The following TCERG1L variants were observed in gnomAD, a reference collection of about 807,000 sequenced individuals.
The protein encoded by TCERG1L is transcription elongation regulator 1-like protein.
TCERG1L carries 37 observed loss-of-function variants against 56.3 expected under a neutral mutation model. The ratio of observed to expected loss-of-function variants is 0.66; its 90% CI spans 0.51 to 0.87. The LOEUF (loss-of-function observed/expected upper bound fraction) is 0.87, where lower values mean the gene tolerates loss of function less well. Among genes scored for constraint, TCERG1L ranks in the 40% least tolerant of loss-of-function variants. The probability of loss-of-function intolerance (pLI) is 0.00; values close to 1 mark genes in which losing one functional copy is unlikely to be tolerated. For synonymous variants in TCERG1L, 324 were observed against 326.3 expected, an observed-to-expected ratio of 0.99 and a Z score of 0.08; for missense variants, 799 against 774.2, an observed-to-expected ratio of 1.03 and a Z score of -0.38.
At chr10:131,194,073 C>T (rs1368645514) in intron 4 of TCERG1L, among the ~76,000 whole-genome samples, 2 of 152,040 alleles carry the variant, frequency 1.3e-5, no homozygotes, top group South Asian at 2.1e-4. Context: ...CCCCCAGCGG[C>T]GTGCCTAGGC....
intron 4 of TCERG1L, among the ~76,000 whole-genome samples, chr10:131,214,501 G>C (rs1312779200): frequency 6.6e-6 from 1 of 152,210 alleles, no homozygotes. Flanking sequence ...TTAAGAAAAG[G>C]CTAGTCATCA....
chr10:131,219,918 C>T (rs1223116631), intron 4 of TCERG1L, among the ~76,000 whole-genome samples: 1 of 152,144 alleles, frequency 6.6e-6, no homozygotes, highest in African/African-American at 2.4e-5. Flanking sequence ...GTTTGCTCCC[C>T]GGCTTGAGCT....
chr10:131,185,224 GA>G (rs1845222733), intron 4 of TCERG1L, among the ~76,000 whole-genome samples: 1 of 152,006 alleles, frequency 6.6e-6, no homozygotes, highest in South Asian at 2.1e-4. Flanking sequence ...ATTTTAATTA[GA>G]AAAAAATAGA....
intron 4 of TCERG1L, among the ~76,000 whole-genome samples, chr10:131,174,011 T>C (rs1427899554): frequency 6.6e-6 from 1 of 152,116 alleles, no homozygotes; most frequent in African/African-American, 2.4e-5. Context: ...GCAGGGCTTT[T>C]GACTGCTACC....
At chr10:131,131,006 T>C (rs1845612870) in intron 8 of TCERG1L, among the ~76,000 whole-genome samples, 2 of 152,052 alleles carry the variant, frequency 1.3e-5, no homozygotes, top group South Asian at 4.2e-4. Flanking sequence ...AGGAAGCAAA[T>C]TGGTGGGGCA....
intron 7 of TCERG1L, among the ~76,000 whole-genome samples, chr10:131,140,002 C>T (rs1845717849): frequency 6.6e-6 from 1 of 152,056 alleles, no homozygotes; most frequent in East Asian, 1.9e-4. Flanking sequence ...GGGGAATATA[C>T]CTAATTTTGT....
chr10:131,139,411 G>C (rs1456249209), intron 7 of TCERG1L, among the ~76,000 whole-genome samples: 1 of 152,170 alleles, frequency 6.6e-6, no homozygotes, highest in African/African-American at 2.4e-5. Flanking sequence ...GCAAGGGTAG[G>C]GGGACAGGAG....
At chr10:131,240,664 A>C (rs1845962345) in intron 4 of TCERG1L, among the ~76,000 whole-genome samples, 1 of 152,214 alleles carries the variant, frequency 6.6e-6, no homozygotes, top group Non-Finnish European at 1.5e-5. Flanking sequence ...TTTTCTAAAA[A>C]TACGCCACAG....
chr10:131,135,973 G>A (rs962585760), intron 7 of TCERG1L, among the ~76,000 whole-genome samples: 13 of 152,334 alleles, frequency 8.5e-5, no homozygotes, highest in Admixed American at 2.6e-4. Flanking sequence ...TGCTGACTCC[G>A]GAGCTGGACT....
rs146277373 is a variant in TCERG1L at position 131,193,017 on chromosome 10, G to GATAAATAA, written c.857-26140_857-26133dup. Among the ~76,000 whole-genome samples, 3 of 152,052 alleles carry GATAAATAA rather than the reference G, an allele frequency of 2.0e-5. No homozygotes were observed. The East Asian group carries it at 5.8e-4, about 29-fold the overall frequency. Reference sequence around the variant, plus strand: ...ACTCCAGAAGCTATTGAAATAAAATGATAAATAAATAAATAAATAAATAAT... The same window carrying GATAAATAA: ...ACTCCAGAAGCTATTGAAATAAAATGATAAATAAATAAATAAATAAATAAATAAATAAT... On this transcript the variant is annotated intron_variant, in intron 4 of 11. Coordinates refer to ENST00000368642, the MANE Select transcript of TCERG1L (RefSeq NM_174937.4).
chr10:131,275,076 T>C (rs1482187318), intron 3 of TCERG1L, among the ~76,000 whole-genome samples: 1 of 152,152 alleles, frequency 6.6e-6, no homozygotes, highest in African/African-American at 2.4e-5. Context: ...GCTCTCAGCA[T>C]TGAAGGGATG....
intron 4 of TCERG1L, among the ~76,000 whole-genome samples, chr10:131,255,212 T>C (rs532894082): frequency 3.3e-5 from 5 of 152,310 alleles, no homozygotes; most frequent in African/African-American, 7.2e-5. Context: ...CAAGGTGTTA[T>C]ATGACTTCAT....
At chr10:131,282,851 G>GA (rs1046830441) in intron 3 of TCERG1L, among the ~76,000 whole-genome samples, 12 of 151,324 alleles carry the variant, frequency 7.9e-5, no homozygotes, top group Admixed American at 5.3e-4. Flanking sequence ...AGTTTTAAAG[G>GA]AAAAAAAAGT....
intron 8 of TCERG1L, among the ~76,000 whole-genome samples, chr10:131,133,540 C>T (rs375838047): frequency 6.6e-6 from 1 of 152,086 alleles, no homozygotes; most frequent in Admixed American, 6.5e-5. Context: ...TCAGGAAGAG[C>T]CTGGGAAGCG....
chr10:131,286,844 G>A (rs950034451), intron 3 of TCERG1L, among the ~76,000 whole-genome samples: 1 of 152,138 alleles, frequency 6.6e-6, no homozygotes, highest in African/African-American at 2.4e-5. Flanking sequence ...GTTATCTTCC[G>A]GCACTGCCGT....
At chr10:131,245,721 G>C (rs1846026393) in intron 4 of TCERG1L, among the ~76,000 whole-genome samples, 1 of 152,214 alleles carries the variant, frequency 6.6e-6, no homozygotes, top group Non-Finnish European at 1.5e-5. Flanking sequence ...GTACAGGTTA[G>C]TGTATCATCC....
At position 131,309,200 on chromosome 10, in the gene TCERG1L, T is replaced by G; in HGVS notation, c.442A>C (p.Thr148Pro). The change falls in exon 2 of 12, where the codon ACC (threonine) becomes CCC (proline). Residue 148 changes from threonine to proline, a missense_variant. Transcript: ENST00000368642. ...FPHLCPSALATPIGKSWIDKR... is the reference protein window; with the variant it reads ...FPHLCPSALAPPIGKSWIDKR... ...TCTATCCAACTTTTCCCAATAGGGG[T>G]TGCAAGAGCAGAAGGGCAGAGATGT... The G allele has an allele frequency of 3.1e-6, 5 of 1,610,682 alleles. No individual in the cohort carries two copies. The highest frequency in any genetic ancestry group is 4.2e-6 in the Non-Finnish European group (5 of 1,178,774).
intron 4 of TCERG1L, among the ~76,000 whole-genome samples, chr10:131,208,883 G>T (rs1440587925): frequency 6.6e-6 from 1 of 151,934 alleles, no homozygotes; most frequent in Non-Finnish European, 1.5e-5. Context: ...TGGTAAAACC[G>T]CGTCTCTACT....
chr10:131,180,844 A>AAAAC (rs1026514774), intron 4 of TCERG1L, among the ~76,000 whole-genome samples: 1 of 152,102 alleles, frequency 6.6e-6, no homozygotes, highest in African/African-American at 2.4e-5. Context: ...TTGTAAAAAA[A>AAAAC]AAGGGTTCAG....
Sources: allele counts gnomAD v4.1 joint callset (sites outside exome capture counted in the v4.1 genomes callset), GRCh38; gene constraint gnomAD v4.1.1; transcripts MANE v1.5; gene names NCBI Gene and HGNC (gene_info 2026-07-23, HGNC 2026-07-21).